Variants in KIAA2012 observed in about 807,000 individuals in gnomAD.
The protein encoded by KIAA2012 is uncharacterized protein KIAA2012.
In KIAA2012, 125 loss-of-function variants were observed where a neutral mutation model predicts 150.6. The observed-to-expected ratio is 0.83, with a 90% CI of 0.72 to 0.96. KIAA2012 has a LOEUF of 0.96. KIAA2012 is among the 40% of genes least tolerant of loss of function. KIAA2012 has a pLI of 0.00. For missense variants in KIAA2012, 1,219 were observed against 1,354.9 expected (o/e 0.90, Z 1.57); for synonymous variants, 462 against 504.7 (o/e 0.92, Z 1.13).
intron 2 of KIAA2012, among the ~76,000 whole-genome samples, chr2:202,087,510 CAAAAAAAAAAAA>C (rs59728832): frequency 3.8e-5 from 2 of 52,524 alleles, no homozygotes; most frequent in Admixed American, 5.5e-4. Context: ...GAAACCATCT[CAAAAAAAAAAAA>C]AAAAAAAAAA....
At chr2:202,161,763 C>T (rs905185806) in intron 14 of KIAA2012, among the ~76,000 whole-genome samples, 4 of 152,080 alleles carry the variant, frequency 2.6e-5, no homozygotes, top group African/African-American at 4.8e-5. Context: ...GAGCATCCTA[C>T]GAATACATCT....
At chr2:202,120,662 T>C (rs963067278) in intron 11 of KIAA2012, among the ~76,000 whole-genome samples, 1 of 152,200 alleles carries the variant, frequency 6.6e-6, no homozygotes, top group Non-Finnish European at 1.5e-5. Context: ...CACTCATTCT[T>C]ACCACCTGGG....
chr2:202,127,544 T>G (rs1690824497), intron 12 of KIAA2012, among the ~76,000 whole-genome samples: 1 of 152,086 alleles, frequency 6.6e-6, no homozygotes, highest in Non-Finnish European at 1.5e-5. Flanking sequence ...ATCAGCTGCA[T>G]GGAGAAGGGG....
chr2:202,091,329 G>T (rs1392583165), intron 3 of KIAA2012, among the ~76,000 whole-genome samples: 5 of 152,176 alleles, frequency 3.3e-5, no homozygotes, highest in Non-Finnish European at 5.9e-5. Context: ...AGCAGAGCTG[G>T]GACCAGAAGT....
At chr2:202,183,034 A>G (rs1692152594) in intron 15 of KIAA2012, among the ~76,000 whole-genome samples, 1 of 152,318 alleles carries the variant, frequency 6.6e-6, no homozygotes, top group East Asian at 1.9e-4. Context: ...CTTCATTCTA[A>G]AAGAGTAGCC....
chr2:202,131,603 G>C (rs1690930208), intron 12 of KIAA2012, among the ~76,000 whole-genome samples: 1 of 152,248 alleles, frequency 6.6e-6, no homozygotes, highest in South Asian at 2.1e-4. Context: ...TGTGTTGAGA[G>C]CTATGAACGA....
chr2:202,186,401 A>G (rs746519007), intron 16 of KIAA2012, among the ~76,000 whole-genome samples: 1 of 151,844 alleles, frequency 6.6e-6, no homozygotes, highest in Admixed American at 6.6e-5. Flanking sequence ...AATCCCAGCT[A>G]TTGGGGAGGC....
At chr2:202,084,229 T>C (rs1372029808) in intron 2 of KIAA2012, among the ~76,000 whole-genome samples, 1 of 152,108 alleles carries the variant, frequency 6.6e-6, no homozygotes, top group African/African-American at 2.4e-5. Flanking sequence ...TACCTAGGGA[T>C]TTGTTGCCTT....
intron 22 of KIAA2012, among the ~76,000 whole-genome samples, chr2:202,200,895 G>A (rs1054525040): frequency 1.3e-5 from 2 of 151,726 alleles, no homozygotes; most frequent in East Asian, 1.9e-4. Flanking sequence ...TAGTAGAGAC[G>A]GGGTTTCTCC....
chr2:202,173,039 T>C (rs991320881), intron 15 of KIAA2012, among the ~76,000 whole-genome samples: 7 of 152,202 alleles, frequency 4.6e-5, no homozygotes, highest in African/African-American at 7.2e-5. Flanking sequence ...TCCTTCATAT[T>C]GGAAGAGGAG....
chr2:202,162,065 GT>G (rs5837807), intron 14 of KIAA2012, among the ~76,000 whole-genome samples: 8 of 149,092 alleles, frequency 5.4e-5, no homozygotes, highest in East Asian at 2.0e-4. Flanking sequence ...TATTCAGAAG[GT>G]TTTTTTTTTC....
intron 4 of KIAA2012, among the ~76,000 whole-genome samples, chr2:202,096,078 C>T (rs1390582695): frequency 2.6e-5 from 4 of 152,008 alleles, no homozygotes; most frequent in South Asian, 2.1e-4. Context: ...AGTGAGACTA[C>T]GTCCCCCGCA....
At chr2:202,171,833 AT>A (rs150392736) in intron 15 of KIAA2012, among the ~76,000 whole-genome samples, 6,276 of 137,146 alleles carry the variant, frequency 0.046, 489 homozygotes, top group African/African-American at 0.16. Context: ...AAGGGAAGTA[AT>A]TTTTGGCATT....
chr2:202,125,891 A>G, intron 12 of KIAA2012: 1 of 442,758 alleles, frequency 2.3e-6, no homozygotes. Context: ...TCTCCTAAAA[A>G]TAGTCTTTGA....
chr2:202,086,906 A>T (rs1559198266), intron 2 of KIAA2012, among the ~76,000 whole-genome samples: 1 of 152,082 alleles, frequency 6.6e-6, no homozygotes. Context: ...CTTGTTTCCC[A>T]TCCCTCCAAT....
chr2:202,201,080 C>T (rs1467657838), intron 22 of KIAA2012, among the ~76,000 whole-genome samples: 3 of 152,140 alleles, frequency 2.0e-5, no homozygotes, highest in Non-Finnish European at 4.4e-5. Flanking sequence ...TTACTAACAG[C>T]AAAGACCAGT....
chr2:202,102,482 T>C (rs1202443676), intron 7 of KIAA2012, among the ~76,000 whole-genome samples: 2 of 152,188 alleles, frequency 1.3e-5, no homozygotes, highest in Admixed American at 1.3e-4. Flanking sequence ...AGGAAGAAAT[T>C]GTAGCTTGGC....
chr2:202,134,998 T>G (rs530937689), intron 12 of KIAA2012, among the ~76,000 whole-genome samples: 1 of 152,218 alleles, frequency 6.6e-6, no homozygotes, highest in South Asian at 2.1e-4. Flanking sequence ...AAGTTTTGAG[T>G]GTTTGGTGAA....
At chr2:202,165,639 T>G (rs1289583187) in intron 15 of KIAA2012, among the ~76,000 whole-genome samples, 1 of 152,090 alleles carries the variant, frequency 6.6e-6, no homozygotes, top group Non-Finnish European at 1.5e-5. Context: ...GAGAATCACT[T>G]GAACCCAGGA....
Sources: allele counts gnomAD v4.1 joint callset (sites outside exome capture counted in the v4.1 genomes callset), GRCh38; gene constraint gnomAD v4.1.1; transcripts MANE v1.5; gene names NCBI Gene and HGNC (gene_info 2026-07-23, HGNC 2026-07-21).